SMC3: variants seen among roughly 807,000 people sequenced by gnomAD.
The protein encoded by SMC3 is structural maintenance of chromosomes protein 3.
In SMC3, 20 loss-of-function variants were observed where a neutral mutation model predicts 171.8. The ratio of observed to expected loss-of-function variants is 0.12; its 90% confidence interval spans 0.08 to 0.17. The LOEUF (loss-of-function observed/expected upper bound fraction) is 0.17, where lower values mean the gene tolerates loss of function less well. SMC3 is among the 10% of genes least tolerant of loss of function. SMC3 has a pLI of 1.00. For synonymous variants in SMC3, 464 were observed against 451.1 expected, an observed-to-expected ratio of 1.03 and a Z score of -0.36; for missense variants, 543 against 1,420.4, an observed-to-expected ratio of 0.38 and a Z score of 9.93.
chr10:110,580,208 C>G (rs1861011646), intron 7 of SMC3, among the ~76,000 whole-genome samples: 1 of 151,964 alleles, frequency 6.6e-6, no homozygotes, highest in Non-Finnish European at 1.5e-5. Context: ...ATATAAGGGA[C>G]TTGAGCATCC....
chr10:110,571,449 A>G (rs1387004914), intron 2 of SMC3, among the ~76,000 whole-genome samples: 5 of 152,228 alleles, frequency 3.3e-5, no homozygotes, highest in African/African-American at 9.7e-5. Context: ...TCTGACAAGG[A>G]TTTGTTTGCA....
intron 7 of SMC3, among the ~76,000 whole-genome samples, chr10:110,579,647 T>C (rs1861002402): frequency 6.6e-6 from 1 of 152,220 alleles, no homozygotes; most frequent in Non-Finnish European, 1.5e-5. Flanking sequence ...GTAAGCTCCA[T>C]GAGGGTGGGA....
chr10:110,583,149 C>T (rs1861057564), intron 10 of SMC3, among the ~76,000 whole-genome samples: 1 of 151,970 alleles, frequency 6.6e-6, no homozygotes, highest in Admixed American at 6.6e-5. Flanking sequence ...ACCTGGGCCT[C>T]CCAAAGTGCT....
At position 110,604,433 on chromosome 10, in the gene SMC3, T is replaced by A; in HGVS notation, c.*131T>A. On this transcript the variant is annotated 3_prime_UTR_variant, in exon 29 of 29. Transcript: ENST00000361804. ...TTAAAGCATCATAGTCCTTTTATATTTGTCTTTGTATTTTATAAGATACTC... is the reference window on the plus strand; with the variant it reads ...TTAAAGCATCATAGTCCTTTTATATATGTCTTTGTATTTTATAAGATACTC... The A allele has an allele frequency of 1.5e-6, 1 of 670,224 alleles. No homozygotes were observed. Among genetic ancestry groups the A allele is most frequent in the Admixed American group, 2.3e-5 (1 of 43,382 alleles). The allele number at this position is 670,224 out of a possible 1,614,324, so 41.5% of individuals were successfully genotyped here.
rs545119574 is a variant in SMC3 at position 110,591,614 on chromosome 10, T to G, written c.1812+482T>G. Reference sequence around the variant, plus strand: ...GGTGATAGACTTCGGAAGCATAACATTGCTTTTGTTGGTAACAAAAGTGCA... The same window carrying G: ...GGTGATAGACTTCGGAAGCATAACAGTGCTTTTGTTGGTAACAAAAGTGCA... On this transcript the variant is annotated intron_variant, in intron 17 of 28. Coordinates refer to ENST00000361804, the MANE Select transcript of SMC3 (RefSeq NM_005445.4). 2.0e-4 allele frequency among the ~76,000 whole-genome samples: 31 copies of G among 152,282 alleles called. No homozygotes were observed. In the South Asian group the frequency reaches 6.2e-3, roughly 31 times the overall value.
intron 21 of SMC3, 33 bp from the exon 22 acceptor site, chr10:110,600,406 A>G (rs1861368389): frequency 9.6e-7 from 1 of 1,039,396 alleles, no homozygotes; most frequent in Admixed American, 1.7e-5. Context: ...TGAAATGTAC[A>G]TGCTTATATA....
chr10:110,574,802 T>G (rs776682600), intron 3 of SMC3, among the ~76,000 whole-genome samples: 2 of 152,196 alleles, frequency 1.3e-5, no homozygotes, highest in Non-Finnish European at 2.9e-5. Context: ...TATACCGAAG[T>G]AGGAACGGCC....
At chr10:110,576,557 T>C (rs1401944371) in intron 4 of SMC3, among the ~76,000 whole-genome samples, 2 of 152,194 alleles carry the variant, frequency 1.3e-5, no homozygotes, top group Admixed American at 6.5e-5. Context: ...TTGAATATTG[T>C]TTATTAAAGA....
intron 4 of SMC3, among the ~76,000 whole-genome samples, chr10:110,576,182 T>C (rs900749537): frequency 1.3e-5 from 2 of 152,230 alleles, no homozygotes; most frequent in East Asian, 1.9e-4. Flanking sequence ...ATCTGTCATA[T>C]AATTTATTGA....
intron 18 of SMC3, among the ~76,000 whole-genome samples, chr10:110,595,327 C>T (rs1340161482): frequency 2.0e-5 from 3 of 152,116 alleles, no homozygotes; most frequent in African/African-American, 4.8e-5. Flanking sequence ...TCTCCCCACC[C>T]AGAGAAATCC....
At chr10:110,592,758 A>C (rs962555844) in intron 17 of SMC3, among the ~76,000 whole-genome samples, 10 of 152,208 alleles carry the variant, frequency 6.6e-5, no homozygotes, top group Non-Finnish European at 1.5e-5. Context: ...TTATCTGAGG[A>C]AGTTAAGCAA....
rs1256965459 is a variant in SMC3 at position 110,605,467 on chromosome 10, T to A, written c.*1165T>A. Among the ~76,000 whole-genome samples, 1 of 152,196 alleles carries A rather than the reference T, an allele frequency of 6.6e-6. No homozygotes were observed. The highest frequency in any genetic ancestry group is 2.4e-5 in the African/African-American group (1 of 41,452). ...CTGGCCTGAGTTTATACTGGTTATC[T>A]GCAGGAGAATTTGTTAGGAGCTACT... On this transcript the variant is annotated 3_prime_UTR_variant, in exon 29 of 29. Transcript: ENST00000361804.
rs1438151630 is a variant in SMC3, at chr10:110,600,534, C to T, written c.2523C>T (p.Asp841=). 2 of 1,546,846 alleles carry T rather than the reference C, an allele frequency of 1.3e-6. No individual in the cohort carries two copies. Among genetic ancestry groups the T allele is most frequent in the East Asian group, 2.2e-5 (1 of 44,534 alleles). Residue 841 remains aspartate (D), a synonymous_variant, in exon 22 of 29, where the codon GAC becomes GAT. Transcript: ENST00000361804. ...ATGAGAATCTGAGAAAACGCTTGGA[C>T]CAAGTAGAACAGGTGTGTATGTGTT... ...YLNENLRKRL[D]QVEQELNELR... is the part of the protein sequence containing the mutation.
chr10:110,589,793 G>A (rs1012761670), intron 14 of SMC3, 85 bp downstream of exon 14: 11 of 1,442,354 alleles, frequency 7.6e-6, no homozygotes, highest in East Asian at 4.5e-5. Context: ...CAAGTTAACC[G>A]GTCAGGCTTG....
At chr10:110,581,047 T>C (rs1477758251) in intron 8 of SMC3, 26 bp downstream of exon 8, 3 of 1,304,326 alleles carry the variant, frequency 2.3e-6, no homozygotes, top group East Asian at 2.3e-5. Flanking sequence ...TTCTGCCTTA[T>C]TTTTTTGTTG....
At chr10:110,579,319 G>A (rs938473231) in intron 7 of SMC3, among the ~76,000 whole-genome samples, 2 of 152,130 alleles carry the variant, frequency 1.3e-5, no homozygotes, top group African/African-American at 4.8e-5. Context: ...AAGTGATTAG[G>A]AAGAATATGG....
chr10:110,596,427 A>G lies in SMC3; in HGVS notation c.1993A>G (p.Thr665Ala), dbSNP rs1156392036. The G allele has an allele frequency of 6.2e-7, 1 of 1,614,058 alleles. No individual in the cohort carries two copies. Reference sequence around the variant, plus strand: ...CCAAGTCAGCCATCGGGGTGCTCTAACTGGGGGTTATTATGACACAAGGAA... The same window carrying G: ...CCAAGTCAGCCATCGGGGTGCTCTAGCTGGGGGTTATTATGACACAAGGAA... Reference protein sequence around the residue: ...GDQVSHRGALTGGYYDTRKSR... With the variant: ...GDQVSHRGALAGGYYDTRKSR... The change falls in exon 19 of 29, where the codon ACT (threonine) becomes GCT (alanine). Residue 665 changes from threonine to alanine, a missense_variant. Thr to Ala is a moderately conservative substitution (Grantham distance 58). This residue lies in a region of SMC3 where 218 missense variants were observed against 509.6 expected (regional missense o/e 0.43). Transcript: ENST00000361804.
intron 12 of SMC3, 51 bp from the exon 13 acceptor site, chr10:110,584,132 A>G (rs1320073662): frequency 6.4e-7 from 1 of 1,565,114 alleles, no homozygotes; most frequent in South Asian, 1.1e-5. Flanking sequence ...GGTTGCAATT[A>G]AACTTGGTTA....
At chr10:110,577,514 G>A (rs1205248268) in intron 5 of SMC3, 22 bp downstream of exon 5, 2 of 1,503,808 alleles carry the variant, frequency 1.3e-6, no homozygotes, top group Non-Finnish European at 1.9e-6. Context: ...TTTTTTTAAA[G>A]TAATGTTGAG....
Sources: allele counts gnomAD v4.1 joint callset (sites outside exome capture counted in the v4.1 genomes callset), GRCh38; gene constraint gnomAD v4.1.1; regional missense constraint gnomAD v4.1.1; transcripts MANE v1.5; gene names NCBI Gene and HGNC (gene_info 2026-07-23, HGNC 2026-07-21).